The following PHF21A variants were observed in gnomAD, a reference collection of about 807,000 sequenced individuals.
PHF21A encodes the protein PHD finger protein 21A.
Under a neutral mutation model 82.5 loss-of-function variants are expected in PHF21A, and 11 were observed. That is an observed-to-expected ratio of 0.13 (90% CI 0.08 to 0.22). PHF21A has a LOEUF of 0.22. Ranked by LOEUF, PHF21A falls within the 10% of genes least tolerant of loss-of-function variation. The pLI is 1.00. For synonymous variants in PHF21A, 297 were observed against 302.8 expected, an observed-to-expected ratio of 0.98 and a Z score of 0.20; for missense variants, 579 against 837.8, an observed-to-expected ratio of 0.69 and a Z score of 3.81.
chr11:45,957,757 A>G (rs1370109264), intron 10 of PHF21A, among the ~76,000 whole-genome samples: 1 of 147,598 alleles, frequency 6.8e-6, no homozygotes, highest in African/African-American at 2.6e-5. Context: ...AAAGCAAAAA[A>G]AAAAAAAAAA....
chr11:46,007,449 G>A (rs973583796), intron 6 of PHF21A, among the ~76,000 whole-genome samples: 7 of 151,882 alleles, frequency 4.6e-5, no homozygotes, highest in Non-Finnish European at 8.8e-5. Flanking sequence ...GAGTAGCTGG[G>A]TTTACAGGTG....
At position 45,938,253 on chromosome 11, in the gene PHF21A, G is replaced by A. The variant is rs367705129; in HGVS notation, c.1512C>T (p.Cys504=). ...VCRKSGQLLM[C]DTCSRVYHLD... Reference sequence around the variant, plus strand: ...AATGATATACACGGGAACATGTGTCGCACATCAGTAACTGGCCACTTTTTC... The same window carrying A: ...AATGATATACACGGGAACATGTGTCACACATCAGTAACTGGCCACTTTTTC... The change falls in exon 16 of 19, where the codon TGC becomes TGT. Residue 504 remains cysteine (C), a synonymous_variant. Coordinates refer to ENST00000676320, the MANE Select transcript of PHF21A (RefSeq NM_001352027.3). 30 of 1,610,920 alleles carry A rather than the reference G, an allele frequency of 1.9e-5. No homozygotes were observed. The Admixed American group carries it at 2.0e-4, about 11-fold the overall frequency.
chr11:46,098,607 T>C (rs972003386), intron 1 of PHF21A, among the ~76,000 whole-genome samples: 2 of 152,184 alleles, frequency 1.3e-5, no homozygotes, highest in Non-Finnish European at 2.9e-5. Flanking sequence ...CTAATGATCA[T>C]AACGAAAACT....
At chr11:46,066,944 C>T (rs1907003) in intron 6 of PHF21A, among the ~76,000 whole-genome samples, 137,281 of 152,224 alleles carry the variant, frequency 0.9, 62,069 homozygotes, top group East Asian at 1. Context: ...TGAATTATAC[C>T]GTATGTCTGT....
chr11:46,119,744 GA>G (rs60856235), intron 1 of PHF21A: 16 of 139,922 alleles, frequency 1.1e-4, no homozygotes, highest in East Asian at 2.1e-4. Context: ...GTGGTCAGGG[GA>G]AAAAAAAAAA....
At chr11:46,004,703 G>A (rs1426663643) in intron 6 of PHF21A, among the ~76,000 whole-genome samples, 2 of 152,092 alleles carry the variant, frequency 1.3e-5, no homozygotes, top group African/African-American at 4.8e-5. Context: ...TTTTACTGTG[G>A]ATGAGGGCTG....
chr11:46,060,025 G>A (rs989333362), intron 6 of PHF21A, among the ~76,000 whole-genome samples: 2 of 152,086 alleles, frequency 1.3e-5, no homozygotes, highest in African/African-American at 4.8e-5. Flanking sequence ...TTACAGGCGT[G>A]AGCCACTGCA....
intron 9 of PHF21A, among the ~76,000 whole-genome samples, chr11:45,969,278 AG>A (rs746206214): frequency 6.6e-6 from 1 of 152,228 alleles, no homozygotes; most frequent in Non-Finnish European, 1.5e-5. Flanking sequence ...GAACACTCTC[AG>A]GAGAGTATGG....
intron 6 of PHF21A, among the ~76,000 whole-genome samples, chr11:46,009,942 T>G (rs1317583922): frequency 6.6e-6 from 1 of 152,264 alleles, no homozygotes; most frequent in African/African-American, 2.4e-5. Context: ...TCAGTCACTT[T>G]ACAGTATTTT....
chr11:46,049,385 G>A (rs563163548), intron 6 of PHF21A: 98 of 453,236 alleles, frequency 2.2e-4, no homozygotes, highest in South Asian at 1.4e-3. Flanking sequence ...GGTTGAACCC[G>A]GCCCAAATAC....
intron 6 of PHF21A, among the ~76,000 whole-genome samples, chr11:46,044,684 C>T (rs2096227159): frequency 6.6e-6 from 1 of 152,152 alleles, no homozygotes; most frequent in South Asian, 2.1e-4. Flanking sequence ...AGCAAACAGG[C>T]CACAATTTCA....
At chr11:46,051,947 CAT>C (rs2096373726) in intron 6 of PHF21A, among the ~76,000 whole-genome samples, 1 of 152,150 alleles carries the variant, frequency 6.6e-6, no homozygotes. Context: ...TTCTTTCCCC[CAT>C]ATGTGTTTCA....
At chr11:46,008,323 A>G (rs1162834899) in intron 6 of PHF21A, among the ~76,000 whole-genome samples, 1 of 152,224 alleles carries the variant, frequency 6.6e-6, no homozygotes, top group Admixed American at 6.5e-5. Context: ...TACAGAGCAG[A>G]GTTCCACACT....
At chr11:46,094,243 A>G (rs1256761511) in intron 1 of PHF21A, among the ~76,000 whole-genome samples, 1 of 152,248 alleles carries the variant, frequency 6.6e-6, no homozygotes, top group Non-Finnish European at 1.5e-5. Context: ...AAAAATGAGG[A>G]GCAGGGCCAA....
intron 1 of PHF21A, among the ~76,000 whole-genome samples, chr11:46,099,840 C>A (rs959129518): frequency 6.6e-6 from 1 of 152,178 alleles, no homozygotes; most frequent in Non-Finnish European, 1.5e-5. Context: ...AATCTCTTCT[C>A]TCTGACTATA....
chr11:46,076,517 C>T (rs1347603024), intron 6 of PHF21A, among the ~76,000 whole-genome samples: 1 of 152,140 alleles, frequency 6.6e-6, no homozygotes, highest in Admixed American at 6.6e-5. Context: ...TTAACGGCAG[C>T]CTGCCACATT....
intron 2 of PHF21A, 47 bp downstream of exon 2, chr11:46,092,136 T>C (rs1214379335): frequency 1.3e-5 from 2 of 151,614 alleles, no homozygotes; most frequent in African/African-American, 4.8e-5. Flanking sequence ...ACTATCCAGC[T>C]AGCATCAGGA....
chr11:46,022,447 C>G (rs2095650062), intron 6 of PHF21A, among the ~76,000 whole-genome samples: 1 of 151,808 alleles, frequency 6.6e-6, no homozygotes, highest in Admixed American at 6.6e-5. Context: ...AAAGTGAGAC[C>G]CTGTCTCTTA....
chr11:46,087,527 T>A (rs1312812922), intron 3 of PHF21A, among the ~76,000 whole-genome samples: 1 of 151,126 alleles, frequency 6.6e-6, no homozygotes, highest in East Asian at 2.2e-4. Context: ...TATGAAGGAT[T>A]AGAAGATTCA....
Sources: allele counts gnomAD v4.1 joint callset (sites outside exome capture counted in the v4.1 genomes callset), GRCh38; gene constraint gnomAD v4.1.1; transcripts MANE v1.5; gene names NCBI Gene and HGNC (gene_info 2026-07-23, HGNC 2026-07-21).